The following HVCN1 variants were observed in gnomAD, a reference collection of about 807,000 sequenced individuals.
The protein encoded by HVCN1 is hydrogen voltage gated channel 1, also known as voltage-gated hydrogen channel 1.
A neutral mutation model predicts 29.2 loss-of-function variants in HVCN1; 14 were observed. The ratio of observed to expected loss-of-function variants is 0.48; its 90% CI spans 0.32 to 0.75. HVCN1 has a LOEUF of 0.75. Among genes scored for constraint, HVCN1 ranks in the 30% least tolerant of loss-of-function variants. The pLI is 0.04. For missense variants in HVCN1, 263 were observed against 341.8 expected (o/e 0.77, Z 1.82); for synonymous variants, 131 against 133.2 (o/e 0.98, Z 0.11).
At chr12:110,697,595 C>T (rs1198530657) in intron 2 of HVCN1, among the ~76,000 whole-genome samples, 1 of 151,498 alleles carries the variant, frequency 6.6e-6, no homozygotes, top group Non-Finnish European at 1.5e-5. Context: ...ACCTGGAATG[C>T]AAGAACACCC....
At chr12:110,665,114 G>C (rs930912742) in intron 3 of HVCN1, among the ~76,000 whole-genome samples, 1 of 152,146 alleles carries the variant, frequency 6.6e-6, no homozygotes, top group South Asian at 2.1e-4. Context: ...TAAATTTACT[G>C]CCTGTTGGAA....
chr12:110,650,601 G>A (rs1421970298), intron 6 of HVCN1, among the ~76,000 whole-genome samples: 2 of 152,052 alleles, frequency 1.3e-5, no homozygotes, highest in South Asian at 2.1e-4. Flanking sequence ...TAGATGCCAC[G>A]AAAGCACAGG....
At chr12:110,663,905 G>T (rs1362760015) in intron 3 of HVCN1, among the ~76,000 whole-genome samples, 1 of 152,104 alleles carries the variant, frequency 6.6e-6, no homozygotes, top group Non-Finnish European at 1.5e-5. Context: ...CTTAGAGGAA[G>T]ACCTTACATT....
chr12:110,698,473 C>T (rs951558633), intron 2 of HVCN1, among the ~76,000 whole-genome samples: 11 of 152,186 alleles, frequency 7.2e-5, no homozygotes, highest in South Asian at 2.1e-4. Flanking sequence ...ACCTCGGTTC[C>T]GCCCTCCAGG....
chr12:110,682,977 A>C (rs988451229), intron 3 of HVCN1: 18 of 442,396 alleles, frequency 4.1e-5, no homozygotes, highest in East Asian at 9.4e-5. Context: ...AAAAAAAAAA[A>C]CAAAAAAAAC....
At chr12:110,690,921 A>C (rs2069392544), upstream of HVCN1, among the ~76,000 whole-genome samples, 2 of 149,810 alleles carry the variant, frequency 1.3e-5, no homozygotes, top group South Asian at 4.2e-4. Context: ...CGCCTGGCTA[A>C]TTTTTGTTTT....
At chr12:110,677,299 C>T (rs2068780853) in intron 3 of HVCN1, among the ~76,000 whole-genome samples, 1 of 152,144 alleles carries the variant, frequency 6.6e-6, no homozygotes, top group African/African-American at 2.4e-5. Context: ...CACCTTCCCT[C>T]TCACCTCTGT....
At chr12:110,668,881 C>T (rs529983659) in intron 3 of HVCN1, among the ~76,000 whole-genome samples, 5 of 152,260 alleles carry the variant, frequency 3.3e-5, no homozygotes, top group East Asian at 1.9e-4. Flanking sequence ...TTGGCAATCT[C>T]GCCCCCTGCT....
upstream of HVCN1, among the ~76,000 whole-genome samples, chr12:110,690,063 G>A (rs985354408): frequency 1.3e-5 from 2 of 152,222 alleles, no homozygotes; most frequent in Non-Finnish European, 2.9e-5. Flanking sequence ...CAGCCCTGGA[G>A]GCCAGAAGTC....
At chr12:110,657,512 A>G (rs1335053479) in intron 4 of HVCN1, among the ~76,000 whole-genome samples, 2 of 151,858 alleles carry the variant, frequency 1.3e-5, no homozygotes, top group Non-Finnish European at 2.9e-5. Flanking sequence ...AAAAAAGAAA[A>G]AAAAAAAAAA....
chr12:110,683,383 G>C lies in HVCN1; in HGVS notation c.-19-119C>G, dbSNP rs571115280. ...AGTTAGTTTAGTTTTAACTGTGCCCGAAATTAGTGTAAAGTACAAAGTATA... is the reference window on the plus strand; with the variant it reads ...AGTTAGTTTAGTTTTAACTGTGCCCCAAATTAGTGTAAAGTACAAAGTATA... On this transcript the variant is annotated intron_variant, in intron 2 of 7. Coordinates refer to ENST00000242607, the MANE Select transcript of HVCN1 (RefSeq NM_032369.4). The C allele has an allele frequency of 7.8e-5, 95 of 1,219,430 alleles. 1 individual carries two copies. The South Asian group carries it at 1.4e-3, about 18-fold the overall frequency. 75.5% of individuals were successfully genotyped at this position (1,219,430 alleles called of 1,614,324 possible).
intron 2 of HVCN1, among the ~76,000 whole-genome samples, chr12:110,701,361 C>T (rs925240222): frequency 6.6e-6 from 1 of 152,212 alleles, no homozygotes; most frequent in African/African-American, 2.4e-5. Flanking sequence ...ATACCAGCAT[C>T]ACTCTGATAC....
chr12:110,693,927 G>A (rs1168388486), upstream of HVCN1, among the ~76,000 whole-genome samples: 2 of 152,272 alleles, frequency 1.3e-5, no homozygotes, highest in South Asian at 2.1e-4. Flanking sequence ...GACTTGTTCC[G>A]GTTTGGGCAA....
intron 3 of HVCN1, among the ~76,000 whole-genome samples, chr12:110,680,192 C>T (rs927502278): frequency 6.6e-6 from 1 of 152,150 alleles, no homozygotes; most frequent in Admixed American, 6.6e-5. Flanking sequence ...TTTCCCCAGC[C>T]CCCCAGCAAT....
chr12:110,660,433 A>C (rs1327573453), intron 4 of HVCN1, among the ~76,000 whole-genome samples: 1 of 152,240 alleles, frequency 6.6e-6, no homozygotes, highest in Non-Finnish European at 1.5e-5. Context: ...ATCACTCCAC[A>C]AGAGAGACTG....
intron 3 of HVCN1, chr12:110,682,827 G>A (rs2069029988): frequency 3.8e-6 from 1 of 264,672 alleles, no homozygotes; most frequent in African/African-American, 2.3e-5. Flanking sequence ...GCCAGGTGTG[G>A]TGGTGCATGC....
At chr12:110,697,504 A>G (rs1018653217) in intron 2 of HVCN1, among the ~76,000 whole-genome samples, 1 of 152,106 alleles carries the variant, frequency 6.6e-6, no homozygotes, top group East Asian at 1.9e-4. Context: ...GAAAGGAGAT[A>G]CAAAAGCACT....
chr12:110,679,854 C>T (rs550585238), intron 3 of HVCN1, among the ~76,000 whole-genome samples: 11 of 147,552 alleles, frequency 7.5e-5, no homozygotes, highest in Middle Eastern at 7.1e-3. Context: ...AGCGAGACTC[C>T]GTCTCAAAAA....
chr12:110,687,823 T>C (rs1364275724), intron 2 of HVCN1, among the ~76,000 whole-genome samples: 1 of 152,182 alleles, frequency 6.6e-6, no homozygotes, highest in Non-Finnish European at 1.5e-5. Flanking sequence ...ACACTCTGGC[T>C]TTCTCCTTCT....
Sources: allele counts gnomAD v4.1 joint callset (sites outside exome capture counted in the v4.1 genomes callset), GRCh38; gene constraint gnomAD v4.1.1; transcripts MANE v1.5; gene names NCBI Gene and HGNC (gene_info 2026-07-23, HGNC 2026-07-21).